The following ZBTB44 variants were observed in gnomAD, a reference collection of about 807,000 sequenced individuals.
ZBTB44 encodes the protein zinc finger and BTB domain-containing protein 44.
Under a neutral mutation model 54.0 loss-of-function variants are expected in ZBTB44, and 15 were observed. That is an observed-to-expected ratio of 0.28 (90% confidence interval 0.19 to 0.43). The LOEUF (loss-of-function observed/expected upper bound fraction) is 0.43, where lower values mean the gene tolerates loss of function less well. Ranked by LOEUF, ZBTB44 falls within the 20% of genes least tolerant of loss-of-function variation. ZBTB44 has a pLI of 1.00. For synonymous variants in ZBTB44, 230 were observed against 250.1 expected, an observed-to-expected ratio of 0.92 and a Z score of 0.76; for missense variants, 487 against 707.1, an observed-to-expected ratio of 0.69 and a Z score of 3.53.
intron 2 of ZBTB44, among the ~76,000 whole-genome samples, chr11:130,255,919 A>AATC (rs1555167099): frequency 6.8e-5 from 9 of 131,396 alleles, no homozygotes; most frequent in African/African-American, 2.6e-4. Context: ...AAAAAAAAAA[A>AATC]AACACCCCTT....
intron 1 of ZBTB44, among the ~76,000 whole-genome samples, chr11:130,281,476 T>G (rs992755870): frequency 1.3e-5 from 2 of 151,360 alleles, no homozygotes; most frequent in African/African-American, 4.9e-5. Flanking sequence ...GCTGTGATTG[T>G]GCTACTGCAC....
Position 130,261,760 on chromosome 11 carries a change from C to T in ZBTB44, c.114G>A (p.Gln38=). 1 of 1,614,040 alleles carries T rather than the reference C, an allele frequency of 6.2e-7. No individual in the cohort carries two copies. Among genetic ancestry groups the T allele is most frequent in the Non-Finnish European group, 8.5e-7 (1 of 1,179,892 alleles). The part of the protein sequence containing the change: ...GHFCDITIRV[Q]DKIFRAHKVV... ...CCTTATGTGCCCGGAAGATTTTGTC[C>T]TGGACACGAATAGTGATATCACAAA... Residue 38 remains glutamine (Q), a synonymous_variant, in exon 2 of 8, where the codon CAG becomes CAA. Transcript: ENST00000357899. This position sits in a 1 kb window ranked among gnomAD's most constrained non-coding sequence, Gnocchi z 4.8.
At chr11:130,279,480 A>G (rs1355250056) in intron 1 of ZBTB44, among the ~76,000 whole-genome samples, 1 of 152,008 alleles carries the variant, frequency 6.6e-6, no homozygotes, top group Non-Finnish European at 1.5e-5. Context: ...CCAACACGGC[A>G]AAACCCTGTC....
chr11:130,296,849 T>C (rs1713397506), intron 1 of ZBTB44: 4 of 740,528 alleles, frequency 5.4e-6, no homozygotes, highest in Non-Finnish European at 1.0e-5. Flanking sequence ...TTAATGTAAA[T>C]AACTTAAATT....
intron 6 of ZBTB44, 142 bp downstream of exon 6, chr11:130,234,014 G>A: frequency 6.6e-7 from 1 of 1,517,756 alleles, no homozygotes; most frequent in Non-Finnish European, 8.8e-7. Flanking sequence ...ATAGAAGACA[G>A]CTCTGATTTT....
chr11:130,255,233 TATA>T (rs1281091303), intron 2 of ZBTB44, among the ~76,000 whole-genome samples: 1 of 152,026 alleles, frequency 6.6e-6, no homozygotes, highest in East Asian at 1.9e-4. Context: ...TAAATAATAA[TATA>T]ATAATAAAAG....
In ZBTB44 at chr11:130,261,886, C is replaced by CGA. The variant is rs1290528792; in HGVS notation, c.-14_-13insTC. The CGA allele has an allele frequency of 1.3e-5, 21 of 1,589,162 alleles. No individual in the cohort carries two copies. The highest frequency in any genetic ancestry group is 1.8e-5 in the Non-Finnish European group (21 of 1,166,160). The stretch of plus-strand genomic sequence containing the variant: ...TTTTCACACCCATCTTTTACTTCCT[C>CGA]TTCTACAGATGCTCTTCAAGGATGC... On this transcript the variant is annotated 5_prime_UTR_variant, in exon 2 of 8. Coordinates refer to ENST00000357899, the MANE Select transcript of ZBTB44 (RefSeq NM_001301098.2). This position sits in a 1 kb window ranked among gnomAD's most constrained non-coding sequence, Gnocchi z 4.8.
chr11:130,305,317 T>G (rs544921158), intron 1 of ZBTB44, among the ~76,000 whole-genome samples: 28 of 151,890 alleles, frequency 1.8e-4, no homozygotes, highest in African/African-American at 6.5e-4. Flanking sequence ...TAAGCAAAAA[T>G]AACAAATCTG....
chr11:130,263,647 T>A lies in ZBTB44; in HGVS notation c.-56-1718A>T, dbSNP rs568361083. Among the ~76,000 whole-genome samples the A allele has an allele frequency of 3.9e-5, 6 of 152,276 alleles. No individual in the cohort carries two copies. In the South Asian group the frequency reaches 1.2e-3, roughly 32 times the overall value. ...TCTTGAATAGGCCCCAAACAACAGA[T>A]AATGTACTACGTTCTCAAGTGAGGC... is the stretch of plus-strand genomic sequence containing the variant. On this transcript the variant is annotated intron_variant, in intron 1 of 7. Transcript: ENST00000357899.
At chr11:130,312,281 A>C (rs1207392169) in intron 1 of ZBTB44, among the ~76,000 whole-genome samples, 2 of 152,236 alleles carry the variant, frequency 1.3e-5, no homozygotes, top group Non-Finnish European at 2.9e-5. Context: ...CCCCAAGATT[A>C]CATATTAATC....
intron 2 of ZBTB44, among the ~76,000 whole-genome samples, chr11:130,259,382 G>A (rs1190774221): frequency 3.3e-5 from 5 of 152,340 alleles, no homozygotes; most frequent in Non-Finnish European, 7.3e-5. Flanking sequence ...AACCATTGTG[G>A]AAGACAGTGT....
chr11:130,274,817 G>C (rs1939941637), intron 1 of ZBTB44, among the ~76,000 whole-genome samples: 1 of 152,130 alleles, frequency 6.6e-6, no homozygotes, highest in African/African-American at 2.4e-5. Context: ...TTGGTCTGGA[G>C]TTTTCTTGTG....
intron 1 of ZBTB44, among the ~76,000 whole-genome samples, chr11:130,271,851 G>C (rs558356165): frequency 6.6e-6 from 1 of 152,262 alleles, no homozygotes; most frequent in Non-Finnish European, 1.5e-5. Flanking sequence ...AGGAATTGCT[G>C]GGTCATATGG....
intron 1 of ZBTB44, among the ~76,000 whole-genome samples, chr11:130,287,369 A>G (rs760398763): frequency 6.6e-6 from 1 of 152,176 alleles, no homozygotes; most frequent in Admixed American, 6.5e-5. Flanking sequence ...CCTATTACCA[A>G]GAGATGATAA....
rs950070283 is a variant in ZBTB44 at position 130,229,639 on chromosome 11, A to G, written c.*2125T>C. ...AGCCTGTGGGAGTATGCTTAGTTTT[A>G]ATATTCCTCATAGACATGTTTGCCA... On this transcript the variant is annotated 3_prime_UTR_variant, in exon 8 of 8. Coordinates refer to ENST00000357899, the MANE Select transcript of ZBTB44 (RefSeq NM_001301098.2). 6.6e-6 allele frequency: 1 copy of G among 152,174 alleles called. No homozygotes were observed. The highest frequency in any genetic ancestry group is 2.4e-5 in the African/African-American group (1 of 41,452). The allele number at this position is 152,174 out of a possible 1,614,324, so 9.4% of individuals were successfully genotyped here.
At chr11:130,290,564 C>T (rs1941242473) in intron 1 of ZBTB44, among the ~76,000 whole-genome samples, 1 of 152,162 alleles carries the variant, frequency 6.6e-6, no homozygotes, top group Non-Finnish European at 1.5e-5. Flanking sequence ...GATTGATTTC[C>T]TTGCCTTCAG....
intron 1 of ZBTB44, chr11:130,295,818 C>T: frequency 7.2e-7 from 1 of 1,381,700 alleles, no homozygotes. Flanking sequence ...TCCTTGTTCT[C>T]TCACCTACTA....
intron 1 of ZBTB44, among the ~76,000 whole-genome samples, chr11:130,313,102 T>C (rs1158435856): frequency 6.6e-6 from 1 of 152,136 alleles, no homozygotes; most frequent in East Asian, 1.9e-4. Flanking sequence ...AATAAAATTG[T>C]ACTTCTATTG....
At position 130,261,009 on chromosome 11, in the gene ZBTB44, C is replaced by T; in HGVS notation, c.865G>A (p.Val289Ile). The T allele has an allele frequency of 6.2e-7, 1 of 1,613,982 alleles. No homozygotes were observed. Among genetic ancestry groups the T allele is most frequent in the East Asian group, 2.2e-5 (1 of 44,888 alleles). ...TCATCACTTAATCTTTCTACTTTGA[C>T]CCGGACATCTTCTTCGGTACCTAAA... ...LPLGTEEDVRVKVERLSDEEV... is the reference protein window; with the variant it reads ...LPLGTEEDVRIKVERLSDEEV... The change falls in exon 2 of 8, where the codon GTC becomes ATC. Residue 289 changes from valine to isoleucine, a missense_variant. Coordinates refer to ENST00000357899, the MANE Select transcript of ZBTB44 (RefSeq NM_001301098.2). The surrounding 1 kb of genome is among the most constrained non-coding windows in gnomAD (Gnocchi z 4.8).
Sources: allele counts gnomAD v4.1 joint callset (sites outside exome capture counted in the v4.1 genomes callset), GRCh38; gene constraint gnomAD v4.1.1; non-coding constraint Gnocchi (gnomAD v3.1); transcripts MANE v1.5; gene names NCBI Gene and HGNC (gene_info 2026-07-23, HGNC 2026-07-21).